SLC25A20: variants seen among roughly 807,000 people sequenced by gnomAD.
SLC25A20 encodes the protein solute carrier family 25 member 20.
SLC25A20 carries 29 observed loss-of-function variants against 39.7 expected under a neutral mutation model. The ratio of observed to expected loss-of-function variants is 0.73; its 90% CI spans 0.54 to 1.00. The LOEUF (loss-of-function observed/expected upper bound fraction) is 1.00, where lower values mean the gene tolerates loss of function less well. Ranked by LOEUF, SLC25A20 falls within the 50% of genes least tolerant of loss-of-function variation. The pLI, the probability that SLC25A20 is intolerant of heterozygous loss-of-function variation, is 0.00. For missense variants in SLC25A20, 333 were observed against 379.9 expected, an observed-to-expected ratio of 0.88 and a Z score of 1.03; for synonymous variants, 103 against 142.2, an observed-to-expected ratio of 0.72 and a Z score of 1.96.
chr3:48,892,522 G>A (rs2083884804), intron 1 of SLC25A20, among the ~76,000 whole-genome samples: 1 of 152,174 alleles, frequency 6.6e-6, no homozygotes, highest in Non-Finnish European at 1.5e-5. Context: ...TAAAGGTTGA[G>A]AAGTCCCAAG....
chr3:48,892,151 A>C, intron 1 of SLC25A20, 79 bp from the exon 2 acceptor site: 1 of 1,057,126 alleles, frequency 9.5e-7, no homozygotes, highest in East Asian at 2.4e-5. Flanking sequence ...CTGTCTGCCA[A>C]ACTGAACAGG....
intron 1 of SLC25A20, among the ~76,000 whole-genome samples, chr3:48,896,094 C>A (rs982060793): frequency 4.0e-5 from 6 of 150,994 alleles, no homozygotes; most frequent in Admixed American, 6.6e-5. Context: ...GAGCCAAGAT[C>A]CTGCCACTGT....
chr3:48,869,236 A>G (rs1424821816), intron 4 of SLC25A20, among the ~76,000 whole-genome samples: 3 of 152,248 alleles, frequency 2.0e-5, no homozygotes, highest in African/African-American at 7.2e-5. Context: ...AACTGAAAGA[A>G]AAAAAGACTA....
In SLC25A20 at chr3:48,876,028, G is replaced by T. The variant is rs376140767; in HGVS notation, c.417+3330C>A. On this transcript the variant is annotated intron_variant, in intron 4 of 8. Coordinates refer to ENST00000319017, the MANE Select transcript of SLC25A20 (RefSeq NM_000387.6). ...AGCCAGACCCTGTCTCAAAAATAAA[G>T]AAATAAATAAAAAAAATTTTAAAGC... is the stretch of plus-strand genomic sequence containing the variant. 4.6e-5 allele frequency among the ~76,000 whole-genome samples: 7 copies of T among 151,662 alleles called. No individual in the cohort carries two copies. The East Asian group carries it at 5.9e-4, about 13-fold the overall frequency.
At chr3:48,864,848 G>C (rs539520140) in intron 4 of SLC25A20, among the ~76,000 whole-genome samples, 1 of 152,256 alleles carries the variant, frequency 6.6e-6, no homozygotes, top group Middle Eastern at 3.4e-3. Context: ...GGTGTGAAGG[G>C]ATGGATTTGG....
At chr3:48,895,624 G>T in intron 1 of SLC25A20, 3 of 234,874 alleles carry the variant, frequency 1.3e-5, no homozygotes, top group South Asian at 4.9e-5. Context: ...AATTTCTTTA[G>T]AATTTATTAT....
intron 4 of SLC25A20, among the ~76,000 whole-genome samples, chr3:48,873,679 A>C (rs2083734517): frequency 6.6e-6 from 1 of 151,286 alleles, no homozygotes; most frequent in Non-Finnish European, 1.5e-5. Context: ...TCTAGGTTTA[A>C]GTAAAGAATT....
At chr3:48,871,768 C>CAA (rs763884203) in intron 4 of SLC25A20, among the ~76,000 whole-genome samples, 23 of 61,824 alleles carry the variant, frequency 3.7e-4, no homozygotes, top group African/African-American at 7.8e-4. Context: ...AACTCCATCT[C>CAA]AAAAAAAAAA....
chr3:48,895,932 G>C (rs769498723), intron 1 of SLC25A20: 6 of 346,652 alleles, frequency 1.7e-5, no homozygotes, highest in Non-Finnish European at 3.5e-5. Flanking sequence ...TTGAGGCCAC[G>C]AGTTTGAGAC....
chr3:48,859,693 C>T, intron 5 of SLC25A20, 66 bp from the exon 6 acceptor site: 1 of 1,261,998 alleles, frequency 7.9e-7, no homozygotes, highest in Non-Finnish European at 1.2e-6. Context: ...GTGGTACACA[C>T]CTGTAATCTC....
chr3:48,898,194 G>A (rs569713023), intron 1 of SLC25A20, among the ~76,000 whole-genome samples: 27 of 152,324 alleles, frequency 1.8e-4, no homozygotes, highest in Non-Finnish European at 3.1e-4. Context: ...AGGCCGAAGA[G>A]TGTCAAGTAT....
chr3:48,896,542 ACT>A (rs2083910767), intron 1 of SLC25A20, among the ~76,000 whole-genome samples: 1 of 151,138 alleles, frequency 6.6e-6, no homozygotes. Context: ...AAGGAGTCTC[ACT>A]CTGTCACCCA....
rs573660624 is a variant in SLC25A20 at position 48,896,776 on chromosome 3, C to T, written c.105+1914G>A. Among the ~76,000 whole-genome samples, 215 of 152,112 alleles carry T rather than the reference C, an allele frequency of 1.4e-3. 2 individuals carry two copies. In the South Asian group the frequency reaches 0.017, roughly 12 times the overall value. On this transcript the variant is annotated intron_variant, in intron 1 of 8. Transcript: ENST00000319017. Reference sequence around the variant, plus strand: ...CAGGTGATCCACCTGCCTCAGCCTCCCAAAGTGCTGGGATTAACAGGCATG... The same window carrying T: ...CAGGTGATCCACCTGCCTCAGCCTCTCAAAGTGCTGGGATTAACAGGCATG...
intron 4 of SLC25A20, among the ~76,000 whole-genome samples, chr3:48,875,865 A>T (rs1250451051): frequency 6.6e-6 from 1 of 152,138 alleles, no homozygotes; most frequent in East Asian, 1.9e-4. Context: ...AAAAATAAAC[A>T]AAACTAGCAG....
chr3:48,881,223 A>G (rs2083793239), intron 3 of SLC25A20, among the ~76,000 whole-genome samples: 1 of 152,182 alleles, frequency 6.6e-6, no homozygotes, highest in South Asian at 2.1e-4. Flanking sequence ...CTGACTGTCA[A>G]ACAGTCAAGA....
rs542711556 is a variant in SLC25A20 at position 48,875,801 on chromosome 3, G to C, written c.417+3557C>G. On this transcript the variant is annotated intron_variant, in intron 4 of 8. Coordinates refer to ENST00000319017, the MANE Select transcript of SLC25A20 (RefSeq NM_000387.6). ...GGAGGCCAAGGCAGACAGATCGCTT[G>C]AGCTCAGGAGTTTCAAGGCCAGCCT... 2.6e-5 allele frequency among the ~76,000 whole-genome samples: 4 copies of C among 152,280 alleles called. No individual in the cohort carries two copies. The East Asian group carries it at 7.8e-4, about 30-fold the overall frequency.
Position 48,898,867 on chromosome 3 carries a change from G to C in SLC25A20, c.-73C>G. The C allele has an allele frequency of 3.4e-6, 5 of 1,454,328 alleles. No homozygotes were observed. Among genetic ancestry groups the C allele is most frequent in the Non-Finnish European group, 3.8e-6 (4 of 1,059,750 alleles). The allele number at this position is 1,454,328 out of a possible 1,614,324, so 90.1% of individuals were successfully genotyped here. On this transcript the variant is annotated 5_prime_UTR_variant, in exon 1 of 9. Transcript: ENST00000319017. ...CTTCTCAGCCCCAGCTGCAGTGCCG[G>C]CGCCGCCGACCTTTCACCCACTTTT...
At chr3:48,898,173 C>T (rs1420993045) in intron 1 of SLC25A20, among the ~76,000 whole-genome samples, 3 of 152,140 alleles carry the variant, frequency 2.0e-5, no homozygotes, top group African/African-American at 7.2e-5. Flanking sequence ...AGCAGGCCAC[C>T]GTTGGGTGAC....
chr3:48,876,011 C>T (rs762403998), intron 4 of SLC25A20, among the ~76,000 whole-genome samples: 1 of 151,930 alleles, frequency 6.6e-6, no homozygotes, highest in African/African-American at 2.4e-5. Flanking sequence ...ACAGCCAGAC[C>T]CTGTCTCAAA....
Sources: gnomAD v4.1 joint callset for allele counts (sites outside exome capture counted in the v4.1 genomes callset) on GRCh38, gnomAD v4.1.1 for gene constraint, MANE v1.5 for transcripts, NCBI Gene and HGNC (gene_info 2026-07-23, HGNC 2026-07-21) for gene names.